The following CDH13 variants were observed in gnomAD, a reference collection of about 807,000 sequenced individuals.
The protein encoded by CDH13 is cadherin 13.
CDH13 carries 24 observed loss-of-function variants against 63.8 expected under a neutral mutation model. The ratio of observed to expected loss-of-function variants is 0.38; its 90% CI spans 0.27 to 0.53. CDH13 has a LOEUF of 0.53. CDH13 is among the 20% of genes least tolerant of loss of function. The probability of loss-of-function intolerance (pLI) is 0.85; values close to 1 mark genes in which losing one functional copy is unlikely to be tolerated. For synonymous variants in CDH13, 503 were observed against 355.3 expected (o/e 1.42, Z -4.67); for missense variants, 1,049 against 903.1 (o/e 1.16, Z -2.07).
intron 2 of CDH13, among the ~76,000 whole-genome samples, chr16:82,879,703 A>G (rs1056671208): frequency 1.2e-4 from 17 of 138,528 alleles, no homozygotes; most frequent in African/African-American, 3.7e-4. Flanking sequence ...TATAACCAGT[A>G]TGTTTCATTA....
chr16:83,478,790 G>T (rs2073679081), intron 6 of CDH13, among the ~76,000 whole-genome samples: 1 of 136,560 alleles, frequency 7.3e-6, no homozygotes, highest in Non-Finnish European at 1.5e-5. Flanking sequence ...CCAGAACTGA[G>T]AACCAACCTC....
At chr16:83,536,827 G>A (rs777604385) in intron 7 of CDH13, among the ~76,000 whole-genome samples, 1 of 152,170 alleles carries the variant, frequency 6.6e-6, no homozygotes, top group Non-Finnish European at 1.5e-5. Context: ...ATCAACAGCA[G>A]CACTAGTGAT....
chr16:83,382,044 A>G (rs898665316), intron 6 of CDH13, among the ~76,000 whole-genome samples: 6 of 152,166 alleles, frequency 3.9e-5, no homozygotes, highest in Middle Eastern at 3.2e-3. Context: ...TGGGTCCCAT[A>G]ATCCAATGTG....
chr16:83,539,861 C>T (rs150219276), intron 7 of CDH13, among the ~76,000 whole-genome samples: 3 of 152,132 alleles, frequency 2.0e-5, no homozygotes. Flanking sequence ...TGAAGAAGGG[C>T]TCCAGCAGTC....
At position 83,047,176 on chromosome 16, in the gene CDH13, A is replaced by G. The variant is rs142758901; in HGVS notation, c.366+14958A>G. On this transcript the variant is annotated intron_variant, in intron 3 of 13. Transcript: ENST00000567109. The surrounding 1 kb of genome is among the most constrained non-coding windows in gnomAD (Gnocchi z 4.9). ...AGACCCAAGGAAAGGTCTGCAGACT[A>G]TAAGCAGACTTTATCTGAAGACCAC... 4.6e-5 allele frequency among the ~76,000 whole-genome samples: 7 copies of G among 152,312 alleles called. No homozygotes were observed. The highest frequency in any genetic ancestry group is 3.9e-4 in the East Asian group (2 of 5,184).
intron 7 of CDH13, among the ~76,000 whole-genome samples, chr16:83,565,511 C>T (rs1433656386): frequency 6.7e-6 from 1 of 149,392 alleles, no homozygotes; most frequent in Non-Finnish European, 1.5e-5. Context: ...ACATTTAATT[C>T]ATCTCCTGTT....
intron 4 of CDH13, among the ~76,000 whole-genome samples, chr16:83,204,988 C>A (rs1207507224): frequency 6.6e-6 from 1 of 152,232 alleles, no homozygotes; most frequent in East Asian, 1.9e-4. Context: ...ATGGCCACAT[C>A]CAGGTCCAAA....
chr16:82,660,663 A>C (rs1004417751), intron 1 of CDH13, among the ~76,000 whole-genome samples: 1 of 152,216 alleles, frequency 6.6e-6, no homozygotes, highest in Non-Finnish European at 1.5e-5. Flanking sequence ...CCTGGGACCA[A>C]AGACCCTAGA....
chr16:82,869,211 T>A (rs917279016), intron 2 of CDH13, among the ~76,000 whole-genome samples: 5 of 152,160 alleles, frequency 3.3e-5, no homozygotes, highest in Non-Finnish European at 7.3e-5. Flanking sequence ...CACGCCTGGC[T>A]AATTTTTGTA....
At chr16:82,757,765 C>G (rs561528822) in intron 1 of CDH13, among the ~76,000 whole-genome samples, 1 of 151,220 alleles carries the variant, frequency 6.6e-6, no homozygotes, top group Non-Finnish European at 1.5e-5. Context: ...GCTCAGCTTT[C>G]GGAGTAGCTG....
intron 2 of CDH13, among the ~76,000 whole-genome samples, chr16:82,978,094 G>A (rs1909771666): frequency 6.6e-6 from 1 of 152,166 alleles, no homozygotes; most frequent in African/African-American, 2.4e-5. Context: ...CTTTGAACTG[G>A]AGAGAGATGA....
chr16:82,744,793 A>G (rs1294106131), intron 1 of CDH13, among the ~76,000 whole-genome samples: 2 of 152,178 alleles, frequency 1.3e-5, no homozygotes, highest in Non-Finnish European at 2.9e-5. Flanking sequence ...TTCTTGTGCT[A>G]CATATGAGGA....
intron 6 of CDH13, among the ~76,000 whole-genome samples, chr16:83,345,239 T>G (rs2090815349): frequency 6.6e-6 from 1 of 152,210 alleles, no homozygotes; most frequent in African/African-American, 2.4e-5. Flanking sequence ...CCTCCAAGGA[T>G]GACTGCCATC....
At chr16:83,676,655 C>G (rs1360971719) in intron 9 of CDH13, among the ~76,000 whole-genome samples, 1 of 152,210 alleles carries the variant, frequency 6.6e-6, no homozygotes, top group Non-Finnish European at 1.5e-5. Context: ...AGCTTTGCAT[C>G]TGTTAACTCT....
intron 7 of CDH13, among the ~76,000 whole-genome samples, chr16:83,487,551 C>G (rs1371305025): frequency 7.2e-5 from 11 of 152,166 alleles, no homozygotes; most frequent in Non-Finnish European, 1.5e-5. Context: ...TTACCATAAG[C>G]TACTTTAAGT....
intron 10 of CDH13, among the ~76,000 whole-genome samples, chr16:83,744,572 C>A (rs1046460426): frequency 1.3e-5 from 2 of 152,238 alleles, no homozygotes; most frequent in Admixed American, 1.3e-4. Context: ...TTCCCCTAGG[C>A]TCTGCTGAGT....
At chr16:82,846,160 C>T (rs541170765) in intron 1 of CDH13, among the ~76,000 whole-genome samples, 111 of 152,314 alleles carry the variant, frequency 7.3e-4, no homozygotes, top group African/African-American at 2.6e-3. Flanking sequence ...ATTGACCAAA[C>T]TTCTGCGTGG....
intron 7 of CDH13, among the ~76,000 whole-genome samples, chr16:83,591,351 T>A (rs1433314383): frequency 6.6e-6 from 1 of 152,234 alleles, no homozygotes; most frequent in Non-Finnish European, 1.5e-5. Flanking sequence ...TCTCAATTAC[T>A]TTTTATTTTA....
chr16:83,204,057 C>T (rs1363454311), intron 4 of CDH13, among the ~76,000 whole-genome samples: 2 of 152,232 alleles, frequency 1.3e-5, no homozygotes, highest in East Asian at 3.9e-4. Context: ...CGTCCTGGCT[C>T]TGCCACTGAC....
Sources: gnomAD v4.1 joint callset for allele counts (sites outside exome capture counted in the v4.1 genomes callset) on GRCh38, gnomAD v4.1.1 for gene constraint, Gnocchi (gnomAD v3.1) non-coding constraint, MANE v1.5 for transcripts, NCBI Gene and HGNC (gene_info 2026-07-23, HGNC 2026-07-21) for gene names.